Variants in CCDC7 observed in about 807,000 individuals in gnomAD.
CCDC7 encodes coiled-coil domain-containing protein 7.
CCDC7 carries 183 observed loss-of-function variants against 196.9 expected under a neutral mutation model. That is an observed-to-expected ratio of 0.93 (90% CI 0.82 to 1.05). CCDC7 has a LOEUF of 1.05. Ranked by LOEUF, CCDC7 falls within the 50% of genes least tolerant of loss-of-function variation. The pLI, the probability that CCDC7 is intolerant of heterozygous loss-of-function variation, is 0.00. For synonymous variants in CCDC7, 525 were observed against 484.6 expected (o/e 1.08, Z -1.10); for missense variants, 1,540 against 1,482.2 (o/e 1.04, Z -0.64).
chr10:32,871,065 T>C (rs1286813293), intron 41 of CCDC7, among the ~76,000 whole-genome samples: 1 of 152,036 alleles, frequency 6.6e-6, no homozygotes, highest in Non-Finnish European at 1.5e-5. Flanking sequence ...TCTTTTTTTG[T>C]TTTGTTGTGT....
At chr10:32,748,443 A>T (rs2075159437) in intron 28 of CCDC7, among the ~76,000 whole-genome samples, 1 of 152,112 alleles carries the variant, frequency 6.6e-6, no homozygotes, top group Non-Finnish European at 1.5e-5. Context: ...CAATTCCAAC[A>T]TCCCTGTTGT....
At chr10:32,709,293 G>A (rs956113007) in intron 24 of CCDC7, among the ~76,000 whole-genome samples, 1 of 134,840 alleles carries the variant, frequency 7.4e-6, no homozygotes, top group Non-Finnish European at 1.6e-5. Flanking sequence ...GACACAGGAA[G>A]GGGAACATCA....
chr10:32,577,465 A>G (rs780098449), intron 16 of CCDC7, among the ~76,000 whole-genome samples: 1 of 152,200 alleles, frequency 6.6e-6, no homozygotes, highest in Non-Finnish European at 1.5e-5. Context: ...AATTCAGTCA[A>G]TCTGAGGAGA....
At chr10:32,731,943 C>T (rs889443698) in intron 28 of CCDC7, among the ~76,000 whole-genome samples, 1 of 152,130 alleles carries the variant, frequency 6.6e-6, no homozygotes, top group African/African-American at 2.4e-5. Flanking sequence ...GTCCCGGCTA[C>T]TTGGGAGGCT....
chr10:32,742,032 C>A (rs964514728), intron 28 of CCDC7, among the ~76,000 whole-genome samples: 5 of 152,066 alleles, frequency 3.3e-5, no homozygotes, highest in Non-Finnish European at 7.4e-5. Flanking sequence ...GTGATGTATT[C>A]TTATAAGGCC....
intron 30 of CCDC7, among the ~76,000 whole-genome samples, chr10:32,812,623 C>T (rs998399366): frequency 2.0e-5 from 3 of 151,964 alleles, no homozygotes; most frequent in Non-Finnish European, 4.4e-5. Flanking sequence ...ATTTAAAATA[C>T]TCAGTGAACT....
exon 2 of CCDC7, chr10:32,453,387 A>G: frequency 6.4e-7 from 1 of 1,554,886 alleles, no homozygotes; most frequent in Non-Finnish European, 8.7e-7. Context: ...TGCGATCAGA[A>G]TGGAGAAGAA....
At chr10:32,633,415 C>G (rs1590861611) in intron 18 of CCDC7, among the ~76,000 whole-genome samples, 2 of 152,166 alleles carry the variant, frequency 1.3e-5, no homozygotes, top group South Asian at 4.1e-4. Context: ...CCTGACTGAA[C>G]ATTAACAACA....
intron 18 of CCDC7, among the ~76,000 whole-genome samples, chr10:32,633,225 A>G (rs778381187): frequency 0.039 from 5,893 of 152,198 alleles, 120 homozygotes; most frequent in Middle Eastern, 0.051. Flanking sequence ...ACACACACAC[A>G]CACACACACA....
chr10:32,658,779 G>A (rs2070553913), intron 20 of CCDC7, among the ~76,000 whole-genome samples: 1 of 152,018 alleles, frequency 6.6e-6, no homozygotes, highest in Non-Finnish European at 1.5e-5. Flanking sequence ...TTGCAGTCTT[G>A]GTAAGTTACA....
intron 32 of CCDC7, among the ~76,000 whole-genome samples, chr10:32,829,262 C>T (rs917450881): frequency 2.6e-5 from 4 of 152,154 alleles, no homozygotes; most frequent in Non-Finnish European, 5.9e-5. Context: ...GTCACTCCAC[C>T]GGGAAAAAAT....
intron 20 of CCDC7, among the ~76,000 whole-genome samples, chr10:32,658,977 G>C (rs1309821763): frequency 2.0e-5 from 3 of 151,636 alleles, no homozygotes; most frequent in Non-Finnish European, 2.9e-5. Flanking sequence ...TCCTTTCAAA[G>C]AATAAGCTCT....
At chr10:32,471,344 C>T (rs1588908148) in intron 6 of CCDC7, 114 bp downstream of exon 7, 2 of 1,251,250 alleles carry the variant, frequency 1.6e-6, no homozygotes, top group East Asian at 5.5e-5. Context: ...GCTTCTTAGT[C>T]AAATCAGGTC....
In CCDC7 at chr10:32,520,684, T is replaced by TGTAGTGAAGA. The variant is rs1489884001; in HGVS notation, c.993+2183_993+2184insTGAAGAGTAG. 2.6e-5 allele frequency among the ~76,000 whole-genome samples: 4 copies of TGTAGTGAAGA among 152,126 alleles called. No individual in the cohort carries two copies. In the East Asian group the frequency reaches 7.7e-4, roughly 29 times the overall value. ...CATTTTGTGGGTTGTCTCTTCACTT[T>TGTAGTGAAGA]GTAGATTGTTTTCTTTGCTGTGCAG... On this transcript the variant is annotated intron_variant, in intron 11 of 41. Coordinates refer to ENST00000639629, the Ensembl canonical transcript of CCDC7.
chr10:32,766,705 A>T (rs935619822), intron 28 of CCDC7, among the ~76,000 whole-genome samples: 1 of 152,030 alleles, frequency 6.6e-6, no homozygotes, highest in Admixed American at 6.6e-5. Context: ...CCCTCCAAAT[A>T]GTTTGGCATG....
chr10:32,787,012 T>G (rs2081995001), intron 29 of CCDC7, among the ~76,000 whole-genome samples: 1 of 152,086 alleles, frequency 6.6e-6, no homozygotes, highest in African/African-American at 2.4e-5. Context: ...CAATTGTGAT[T>G]ATTAAGTCTG....
At chr10:32,651,641 T>C (rs1286555558) in intron 20 of CCDC7, among the ~76,000 whole-genome samples, 1 of 152,104 alleles carries the variant, frequency 6.6e-6, no homozygotes, top group Non-Finnish European at 1.5e-5. Context: ...AGAGAGCTTA[T>C]CACAGGGTAG....
At chr10:32,626,983 G>A (rs540683397) in intron 18 of CCDC7, among the ~76,000 whole-genome samples, 8 of 151,040 alleles carry the variant, frequency 5.3e-5, no homozygotes, top group East Asian at 3.9e-4. Context: ...ATCAGGTAAC[G>A]AGATGCCTAC....
At chr10:32,609,074 A>T (rs1358135685) in intron 18 of CCDC7, among the ~76,000 whole-genome samples, 2 of 152,184 alleles carry the variant, frequency 1.3e-5, no homozygotes, top group East Asian at 3.8e-4. Flanking sequence ...TGGTGAGAAG[A>T]TGCATATTCT....
Sources: allele counts gnomAD v4.1 joint callset (sites outside exome capture counted in the v4.1 genomes callset), GRCh38; gene constraint gnomAD v4.1.1; transcripts MANE v1.5; gene names NCBI Gene and HGNC (gene_info 2026-07-23, HGNC 2026-07-21).